The following CACNA1A variants were observed in gnomAD, a reference collection of about 807,000 sequenced individuals.
The protein encoded by CACNA1A is voltage-dependent P/Q-type calcium channel subunit alpha-1A.
A neutral mutation model predicts 262.4 loss-of-function variants in CACNA1A; 57 were observed. The ratio of observed to expected loss-of-function variants is 0.22; its 90% CI spans 0.18 to 0.27. The LOEUF is 0.27. Ranked by LOEUF, CACNA1A falls within the 10% of genes least tolerant of loss-of-function variation. The pLI is 1.00. For synonymous variants in CACNA1A, 1,431 were observed against 1,419.3 expected (o/e 1.01, Z -0.18); for missense variants, 2,526 against 3,562.8 (o/e 0.71, Z 7.41).
chr19:13,393,677 CTT>C (rs2059753719), intron 3 of CACNA1A, among the ~76,000 whole-genome samples: 3 of 146,570 alleles, frequency 2.0e-5, no homozygotes, highest in East Asian at 2.1e-4. Context: ...CTTTCTTTCT[CTT>C]TCTTTCCTTT....
At chr19:13,305,533 G>A (rs2057881640) in intron 15 of CACNA1A, among the ~76,000 whole-genome samples, 3 of 152,176 alleles carry the variant, frequency 2.0e-5, no homozygotes, top group Admixed American at 2.0e-4. Context: ...GGGTTTCTAA[G>A]CCTCAGCACT....
chr19:13,343,909 C>A (rs1412036724), intron 6 of CACNA1A, among the ~76,000 whole-genome samples: 1 of 152,100 alleles, frequency 6.6e-6, no homozygotes, highest in Non-Finnish European at 1.5e-5. Context: ...GCATCAAATA[C>A]CTACATCACA....
rs528697401 is a variant in CACNA1A, at chr19:13,357,882, C to T, written c.978+1724G>A. ...ATTAGCTAGGTATGGTGGTGTGTGC[C>T]TGTGGTCCCAGCTACTCAGGAGGCT... On this transcript the variant is annotated intron_variant, in intron 6 of 46. Coordinates refer to ENST00000360228, the MANE Select transcript of CACNA1A (RefSeq NM_001127222.2). 3.5e-4 allele frequency among the ~76,000 whole-genome samples: 53 copies of T among 152,058 alleles called. 1 individual carries two copies. Among genetic ancestry groups the T allele is most frequent in the Middle Eastern group, 3.4e-3 (1 of 294 alleles).
intron 37 of CACNA1A, 142 bp downstream of exon 37, chr19:13,227,289 A>AAAG: frequency 2.2e-6 from 1 of 454,852 alleles, no homozygotes. Flanking sequence ...AAAAGAAAAA[A>AAAG]AAGAATCAAA....
At chr19:13,219,021 A>T (rs981556554) in intron 38 of CACNA1A, among the ~76,000 whole-genome samples, 1 of 147,058 alleles carries the variant, frequency 6.8e-6, no homozygotes, top group Non-Finnish European at 1.5e-5. Context: ...GGCGTAAGCC[A>T]CCATGCCAGG....
chr19:13,209,368 T>A lies in CACNA1A; in HGVS notation c.6470A>T (p.Asp2157Val). 7.2e-7 allele frequency: 1 copy of A among 1,391,822 alleles called. No homozygotes were observed. Among genetic ancestry groups the A allele is most frequent in the Non-Finnish European group, 9.4e-7 (1 of 1,068,646 alleles). The allele number at this position is 1,391,822 out of a possible 1,614,324, so 86.2% of individuals were successfully genotyped here. ...ENQRHHQRRR[D>V]RSHRASERSL... ...GCGCTCAGAGGCGCGGTGGCTGCGG[T>A]CGCGGCGCCGCTGGTGGTGCCGCTG... The change falls in exon 45 of 47, where the codon GAC (aspartate) becomes GTC (valine). Residue 2157 changes from aspartate (D) to valine (V), a missense_variant. Asp to Val is a radical substitution (Grantham distance 152, BLOSUM62 -3). This residue lies in a region of CACNA1A where 929 missense variants were observed against 868.1 expected (regional missense o/e 1.07). Transcript: ENST00000360228.
chr19:13,454,038 G>A (rs1435506982), intron 2 of CACNA1A, among the ~76,000 whole-genome samples: 1 of 151,850 alleles, frequency 6.6e-6, no homozygotes, highest in East Asian at 2.0e-4. Flanking sequence ...ATCTCCAAAG[G>A]GATGTCTTTT....
At chr19:13,273,840 T>C (rs1373731565) in intron 24 of CACNA1A, 1 of 152,038 alleles carries the variant, frequency 6.6e-6, no homozygotes, top group Non-Finnish European at 1.5e-5. Flanking sequence ...TTGAACCTCC[T>C]GGGCTCAAGC....
At chr19:13,365,676 T>TC (rs2059198050) in intron 4 of CACNA1A, 1 of 499,430 alleles carries the variant, frequency 2.0e-6, no homozygotes, top group African/African-American at 1.9e-5. Flanking sequence ...CTAGGTTTTT[T>TC]TTTTCCTTTG....
At chr19:13,472,980 C>T (rs1978289057) in intron 1 of CACNA1A, among the ~76,000 whole-genome samples, 1 of 152,132 alleles carries the variant, frequency 6.6e-6, no homozygotes, top group African/African-American at 2.4e-5. Context: ...AGGCCAGGTG[C>T]AGTGGCTCAC....
intron 38 of CACNA1A, among the ~76,000 whole-genome samples, chr19:13,218,888 G>A (rs1029098603): frequency 3.3e-5 from 5 of 151,784 alleles, no homozygotes; most frequent in African/African-American, 9.7e-5. Context: ...CAGGGGTCTG[G>A]CACCATGCCT....
At chr19:13,392,243 AAG>A (rs1275532286) in intron 3 of CACNA1A, among the ~76,000 whole-genome samples, 1 of 152,060 alleles carries the variant, frequency 6.6e-6, no homozygotes, top group Non-Finnish European at 1.5e-5. Flanking sequence ...AAAAGAAAGA[AAG>A]AGAAGAATGG....
chr19:13,384,610 G>C (rs2075550589), intron 3 of CACNA1A, among the ~76,000 whole-genome samples: 1 of 152,188 alleles, frequency 6.6e-6, no homozygotes, highest in Admixed American at 6.5e-5. Context: ...TGAGGCAGGA[G>C]AATCGCTTGA....
Position 13,486,516 on chromosome 19 carries a change from C to T in CACNA1A, c.293+19416G>A, listed in dbSNP as rs1956759868. ...AAGAGAAAAGGGGAAAATACCCAGACAGAAAATTAAAAGATAACATAGACA... is the reference window on the plus strand; with the variant it reads ...AAGAGAAAAGGGGAAAATACCCAGATAGAAAATTAAAAGATAACATAGACA... On this transcript the variant is annotated intron_variant, in intron 1 of 46. Coordinates refer to ENST00000360228, the MANE Select transcript of CACNA1A (RefSeq NM_001127222.2). 3.3e-5 allele frequency among the ~76,000 whole-genome samples: 5 copies of T among 151,564 alleles called. No homozygotes were observed. The South Asian group carries it at 1.0e-3, about 32-fold the overall frequency.
At chr19:13,229,104 A>C in intron 36 of CACNA1A, 2 of 188,568 alleles carry the variant, frequency 1.1e-5, no homozygotes, top group South Asian at 2.0e-4. Context: ...GACAGCATCC[A>C]ATTGCTGTGA....
intron 10 of CACNA1A, among the ~76,000 whole-genome samples, chr19:13,326,343 T>C (rs917943464): frequency 1.3e-5 from 2 of 149,300 alleles, no homozygotes; most frequent in Admixed American, 6.6e-5. Context: ...GAAAAAAAAA[T>C]TGATATCCTT....
intron 19 of CACNA1A, among the ~76,000 whole-genome samples, chr19:13,289,844 G>A (rs150911450): frequency 5.3e-5 from 8 of 151,502 alleles, no homozygotes; most frequent in Non-Finnish European, 1.2e-4. Flanking sequence ...TGCCTGTCCC[G>A]CTGTTATATT....
intron 3 of CACNA1A, among the ~76,000 whole-genome samples, chr19:13,375,468 T>A (rs2059389390): frequency 6.6e-6 from 1 of 152,060 alleles, no homozygotes; most frequent in Non-Finnish European, 1.5e-5. Flanking sequence ...TAGAAATGAT[T>A]AAACACAGTG....
chr19:13,332,919 ACCT>A lies in CACNA1A; in HGVS notation c.1202_1204del (p.Glu401del). ...GTCAGTTTCATCCTCGGCGAGGATC[ACCT>A]CTTCTGAAGAGGAAGAGCACAGAGT... On this transcript the variant is annotated inframe_deletion, in exon 9 of 47. Transcript: ENST00000360228. 5 of 1,611,732 alleles carry A rather than the reference ACCT, an allele frequency of 3.1e-6. No individual in the cohort carries two copies. Among genetic ancestry groups the A allele is most frequent in the Non-Finnish European group, 4.2e-6 (5 of 1,178,438 alleles).
Sources: gnomAD v4.1 joint callset for allele counts (sites outside exome capture counted in the v4.1 genomes callset) on GRCh38, gnomAD v4.1.1 for gene constraint, gnomAD v4.1.1 regional missense constraint, MANE v1.5 for transcripts, NCBI Gene and HGNC (gene_info 2026-07-23, HGNC 2026-07-21) for gene names.